Variants in NKAIN2 observed in about 807,000 individuals in gnomAD.
NKAIN2 encodes sodium/potassium-transporting ATPase subunit beta-1-interacting protein 2.
NKAIN2 carries 14 observed loss-of-function variants against 32.6 expected under a neutral mutation model. The observed-to-expected ratio is 0.43, with a 90% confidence interval of 0.28 to 0.67. The LOEUF is 0.67. NKAIN2 is among the 30% of genes least tolerant of loss of function. The pLI is 0.17. For synonymous variants in NKAIN2, 80 were observed against 87.2 expected, an observed-to-expected ratio of 0.92 and a Z score of 0.46; for missense variants, 198 against 258.3, an observed-to-expected ratio of 0.77 and a Z score of 1.60.
At chr6:124,192,230 C>T (rs1790056565) in intron 1 of NKAIN2, among the ~76,000 whole-genome samples, 1 of 152,126 alleles carries the variant, frequency 6.6e-6, no homozygotes, top group African/African-American at 2.4e-5. Context: ...TAGACATTTA[C>T]AACCATAAAG....
chr6:124,305,821 C>A (rs1464258010), intron 2 of NKAIN2, among the ~76,000 whole-genome samples: 1 of 152,288 alleles, frequency 6.6e-6, no homozygotes, highest in African/African-American at 2.4e-5. Context: ...ATTTTAGCAA[C>A]CTCCTGGCCC....
At chr6:123,824,415 T>C (rs1774056286) in intron 1 of NKAIN2, among the ~76,000 whole-genome samples, 1 of 151,948 alleles carries the variant, frequency 6.6e-6, no homozygotes, top group Admixed American at 6.6e-5. Flanking sequence ...GCAATAAAAA[T>C]TACATTACCT....
chr6:123,829,476 GTT>G (rs908087825), intron 1 of NKAIN2, among the ~76,000 whole-genome samples: 3 of 152,126 alleles, frequency 2.0e-5, no homozygotes, highest in Non-Finnish European at 4.4e-5. Flanking sequence ...CTGATTCAGG[GTT>G]TCTAGTCAGC....
At chr6:123,969,312 A>G (rs958485465) in intron 1 of NKAIN2, among the ~76,000 whole-genome samples, 4 of 152,174 alleles carry the variant, frequency 2.6e-5, no homozygotes, top group African/African-American at 9.7e-5. Context: ...TATAAGGAAT[A>G]AGGATGGAGT....
intron 5 of NKAIN2, chr6:124,794,906 T>A: frequency 1.1e-6 from 1 of 878,926 alleles, no homozygotes; most frequent in Non-Finnish European, 1.4e-6. Flanking sequence ...TTCTGTATCA[T>A]TTTGGTAATT....
chr6:124,785,073 A>G, intron 4 of NKAIN2, among the ~76,000 whole-genome samples: 1 of 152,030 alleles, frequency 6.6e-6, no homozygotes, highest in Non-Finnish European at 1.5e-5. Flanking sequence ...GTGGGGGAAA[A>G]AAAAGTTAGG....
chr6:124,469,337 T>C (rs897029830), intron 3 of NKAIN2, among the ~76,000 whole-genome samples: 1 of 152,176 alleles, frequency 6.6e-6, no homozygotes, highest in Admixed American at 6.5e-5. Flanking sequence ...CAACTAGCCT[T>C]ATGAAAAATA....
At chr6:124,712,309 A>T (rs1282648143) in intron 4 of NKAIN2, among the ~76,000 whole-genome samples, 2 of 119,652 alleles carry the variant, frequency 1.7e-5, no homozygotes, top group Non-Finnish European at 3.6e-5. Context: ...GAGCCTACAG[A>T]GGCAGGCAGG....
rs10589453 is a variant in NKAIN2 at position 123,983,745 on chromosome 6, ATTTT to A, written c.54+179498_54+179501del. ...CAACCAAGTTATGGTATATATATAT[ATTTT>A]TTTTTTCTAGTAATAATATTAAGTG... On this transcript the variant is annotated intron_variant, in intron 1 of 6. Coordinates refer to ENST00000368417, the MANE Select transcript of NKAIN2 (RefSeq NM_001040214.3). 2.5e-4 allele frequency among the ~76,000 whole-genome samples: 37 copies of A among 149,998 alleles called. No individual in the cohort carries two copies. In the South Asian group the frequency reaches 5.8e-3, roughly 24 times the overall value.
At chr6:124,670,869 T>A (rs1452959768) in intron 4 of NKAIN2, among the ~76,000 whole-genome samples, 2 of 152,020 alleles carry the variant, frequency 1.3e-5, no homozygotes, top group African/African-American at 4.8e-5. Flanking sequence ...ATGGAACTTA[T>A]CAGAAGCTGA....
At chr6:123,853,146 T>C (rs1406126551) in intron 1 of NKAIN2, among the ~76,000 whole-genome samples, 1 of 152,212 alleles carries the variant, frequency 6.6e-6, no homozygotes, top group Non-Finnish European at 1.5e-5. Context: ...AAGAATCTTT[T>C]TTTGGATCAG....
chr6:124,268,693 C>G (rs1236518907), intron 1 of NKAIN2, among the ~76,000 whole-genome samples: 1 of 151,176 alleles, frequency 6.6e-6, no homozygotes, highest in Non-Finnish European at 1.5e-5. Context: ...CATATATACA[C>G]ATTTGTATAT....
At chr6:123,929,426 T>C (rs1315606002) in intron 1 of NKAIN2, among the ~76,000 whole-genome samples, 4 of 152,128 alleles carry the variant, frequency 2.6e-5, no homozygotes, top group African/African-American at 9.7e-5. Context: ...TGGCATTCTA[T>C]GCAGAAATCA....
intron 2 of NKAIN2, among the ~76,000 whole-genome samples, chr6:124,313,063 G>GA (rs903189642): frequency 5.3e-5 from 8 of 151,252 alleles, no homozygotes; most frequent in East Asian, 1.9e-4. Flanking sequence ...GGAACCATGG[G>GA]AAAAAAAACC....
intron 3 of NKAIN2, among the ~76,000 whole-genome samples, chr6:124,533,435 G>A (rs368099816): frequency 8.2e-6 from 1 of 122,074 alleles, no homozygotes; most frequent in African/African-American, 3.2e-5. Flanking sequence ...TTGCACCACT[G>A]CACTCCAGCC....
At chr6:124,586,726 C>T (rs181210724) in intron 3 of NKAIN2, among the ~76,000 whole-genome samples, 210 of 152,206 alleles carry the variant, frequency 1.4e-3, no homozygotes, top group African/African-American at 4.7e-3. Context: ...TATGGCCACA[C>T]AAAAGTCTGT....
chr6:124,406,808 G>C (rs1773879779), intron 3 of NKAIN2, among the ~76,000 whole-genome samples: 1 of 152,066 alleles, frequency 6.6e-6, no homozygotes, highest in South Asian at 2.1e-4. Flanking sequence ...GTTTTAATAA[G>C]TGTTTTCATT....
chr6:124,039,247 C>T (rs1420607214), intron 1 of NKAIN2, among the ~76,000 whole-genome samples: 1 of 151,862 alleles, frequency 6.6e-6, no homozygotes, highest in Non-Finnish European at 1.5e-5. Flanking sequence ...TATTGAAGGC[C>T]AGGATCACAG....
At chr6:124,237,345 A>T (rs558178087) in intron 1 of NKAIN2, among the ~76,000 whole-genome samples, 1 of 152,148 alleles carries the variant, frequency 6.6e-6, no homozygotes, top group Admixed American at 6.6e-5. Flanking sequence ...GGCTCTAGGG[A>T]TAACTTTTTT....
Sources: gnomAD v4.1 joint callset for allele counts (sites outside exome capture counted in the v4.1 genomes callset) on GRCh38, gnomAD v4.1.1 for gene constraint, MANE v1.5 for transcripts, NCBI Gene and HGNC (gene_info 2026-07-23, HGNC 2026-07-21) for gene names.